Variants in SYS1 observed in about 807,000 individuals in gnomAD.
SYS1 encodes SYS1 golgi trafficking protein.
Under a neutral mutation model 17.8 loss-of-function variants are expected in SYS1, and 8 were observed. That is an observed-to-expected ratio of 0.45 (90% CI 0.26 to 0.81). The LOEUF (loss-of-function observed/expected upper bound fraction) is 0.81, where lower values mean the gene tolerates loss of function less well. Ranked by LOEUF, SYS1 falls within the 40% of genes least tolerant of loss-of-function variation. The pLI is 0.16. For synonymous variants in SYS1, 95 were observed against 90.9 expected (o/e 1.05, Z -0.26); for missense variants, 161 against 203.9 (o/e 0.79, Z 1.28).
exon 4 of SYS1, chr20:45,374,390 GCCT>G (rs1988657795): frequency 1.6e-6 from 1 of 624,802 alleles, no homozygotes; most frequent in Non-Finnish European, 2.8e-6. Context: ...TCCGACCTCA[GCCT>G]CCTGAGTAGC....
In SYS1 at chr20:45,368,967, C is replaced by T. The variant is rs1358429294; in HGVS notation, c.*1852C>T. 1.2e-6 allele frequency: 1 copy of T among 824,946 alleles called. No individual in the cohort carries two copies. Among genetic ancestry groups the T allele is most frequent in the East Asian group, 1.2e-4 (1 of 8,168 alleles). The allele number at this position is 824,946 out of a possible 1,614,324, so 51.1% of individuals were successfully genotyped here. The stretch of plus-strand genomic sequence containing the variant: ...TCTTCTGTGATGACAAATCTCTGTC[C>T]CCTGAGTGTTAATTTGATTTTTAGA... On this transcript the variant is annotated 3_prime_UTR_variant, in exon 4 of 4. Coordinates refer to ENST00000243918, the MANE Select transcript of SYS1 (RefSeq NM_033542.4).
At chr20:45,372,798 G>A (rs1485973424), downstream of SYS1, 1 of 152,214 alleles carries the variant, frequency 6.6e-6, no homozygotes, top group Non-Finnish European at 1.5e-5. Context: ...CAGGAGCTCG[G>A]GAGCACGCAG....
At chr20:45,375,339 C>T in exon 4 of SYS1, 2 of 1,614,166 alleles carry the variant, frequency 1.2e-6, no homozygotes, top group South Asian at 1.1e-5. Flanking sequence ...GAACCTCAGG[C>T]TCTATATGCT....
chr20:45,376,686 CCAAT>C (rs1263657100), exon 4 of SYS1: 2 of 151,296 alleles, frequency 1.3e-5, no homozygotes, highest in Non-Finnish European at 2.9e-5. Context: ...TTAGCAGGCA[CCAAT>C]CAATGTTAGC....
chr20:45,373,606 C>T (rs971244606), downstream of SYS1: 2 of 416,646 alleles, frequency 4.8e-6, no homozygotes, highest in African/African-American at 3.9e-5. Flanking sequence ...CTCCGCGCCG[C>T]GGTTTCCTCT....
upstream of SYS1, chr20:45,363,011 T>C: frequency 1.5e-5 from 11 of 729,058 alleles, no homozygotes; most frequent in Non-Finnish European, 1.7e-5. Flanking sequence ...CTCTCTTCCG[T>C]TTGCCTTCAC....
exon 4 of SYS1, chr20:45,375,356 T>C (rs1988697162): frequency 5.0e-6 from 8 of 1,614,168 alleles, no homozygotes; most frequent in Non-Finnish European, 6.8e-6. Context: ...TGCTTTTCTT[T>C]CCGTGGCATT....
chr20:45,363,619 C>T lies in SYS1; in HGVS notation c.88C>T (p.Leu30=), dbSNP rs762834553. 6.3e-7 allele frequency: 1 copy of T among 1,591,366 alleles called. No individual in the cohort carries two copies. Among genetic ancestry groups the T allele is most frequent in the Non-Finnish European group, 8.5e-7 (1 of 1,170,174 alleles). ...VLMQTVYYGS[L]GLWLALVDGL... ...CATGCAGACCGTGTATTACGGCTCGCTGGGCCTGTGGCTGGCGCTGGTGGA... is the reference window on the plus strand; with the variant it reads ...CATGCAGACCGTGTATTACGGCTCGTTGGGCCTGTGGCTGGCGCTGGTGGA... The change falls in exon 2 of 4, where the codon CTG becomes TTG. Residue 30 remains leucine, a synonymous_variant. Coordinates refer to ENST00000243918, the MANE Select transcript of SYS1 (RefSeq NM_033542.4).
upstream of SYS1, among the ~76,000 whole-genome samples, chr20:45,362,734 C>G (rs1017718163): frequency 6.6e-6 from 1 of 152,206 alleles, no homozygotes; most frequent in Non-Finnish European, 1.5e-5. Flanking sequence ...CTTTCCTTCT[C>G]TGGCCCTTAG....
At chr20:45,375,115 G>A (rs1988685278) in exon 4 of SYS1, 4 of 1,614,134 alleles carry the variant, frequency 2.5e-6, no homozygotes, top group Non-Finnish European at 3.4e-6. Context: ...CCAACGCAGG[G>A]TGGAGGATCT....
chr20:45,367,892 C>T lies in SYS1; in HGVS notation c.*777C>T, dbSNP rs910653405. 2.0e-6 allele frequency: 2 copies of T among 985,632 alleles called. No homozygotes were observed. Among genetic ancestry groups the T allele is most frequent in the Non-Finnish European group, 2.4e-6 (2 of 829,958 alleles). The allele number at this position is 985,632 out of a possible 1,614,324, so 61.1% of individuals were successfully genotyped here. On this transcript the variant is annotated 3_prime_UTR_variant, in exon 4 of 4. Coordinates refer to ENST00000243918, the MANE Select transcript of SYS1 (RefSeq NM_033542.4). ...TCTAGGAATGACCAGGCACCCAGCT[C>T]CCACTGGACTCCAATTTTTTTTCCT...
rs1219931758 is a variant in SYS1 at position 45,368,292 on chromosome 20, C to T, written c.*1177C>T. ...GAACTCTTACATCCTGTCTCCTTCA[C>T]TTGCAGCGTCCCCTGCTATGCCTCA... On this transcript the variant is annotated 3_prime_UTR_variant, in exon 4 of 4. Coordinates refer to ENST00000243918, the MANE Select transcript of SYS1 (RefSeq NM_033542.4). 3.0e-6 allele frequency: 3 copies of T among 985,300 alleles called. No individual in the cohort carries two copies. The highest frequency in any genetic ancestry group is 6.2e-5 in the Admixed American group (1 of 16,254). The allele number at this position is 985,300 out of a possible 1,614,324, so 61.0% of individuals were successfully genotyped here.
At chr20:45,372,136 A>C (rs1988573619), downstream of SYS1, among the ~76,000 whole-genome samples, 1 of 152,198 alleles carries the variant, frequency 6.6e-6, no homozygotes, top group African/African-American at 2.4e-5. Flanking sequence ...TTAAACAAAG[A>C]GAGGGTGGTA....
intron 2 of SYS1, among the ~76,000 whole-genome samples, chr20:45,364,713 C>T (rs1030198216): frequency 6.6e-6 from 1 of 151,920 alleles, no homozygotes; most frequent in Non-Finnish European, 1.5e-5. Context: ...CCTCGTGATC[C>T]GCCTGCCTCG....
In SYS1 at chr20:45,367,874, A is replaced by G; in HGVS notation, c.*759A>G. On this transcript the variant is annotated 3_prime_UTR_variant, in exon 4 of 4. Transcript: ENST00000243918. Reference sequence around the variant, plus strand: ...TAAAGACACTGCCTGTCTTCTAGGAATGACCAGGCACCCAGCTCCCACTGG... The same window carrying G: ...TAAAGACACTGCCTGTCTTCTAGGAGTGACCAGGCACCCAGCTCCCACTGG... The G allele has an allele frequency of 1.0e-6, 1 of 985,838 alleles. No homozygotes were observed. The allele number at this position is 985,838 out of a possible 1,614,324, so 61.1% of individuals were successfully genotyped here.
chr20:45,366,382 C>T (rs531182570), intron 3 of SYS1, among the ~76,000 whole-genome samples: 1 of 152,278 alleles, frequency 6.6e-6, no homozygotes, highest in African/African-American at 2.4e-5. Context: ...CTGACTTTGA[C>T]CTAAATTTGT....
chr20:45,371,665 G>A (rs149557048), downstream of SYS1, among the ~76,000 whole-genome samples: 91 of 152,280 alleles, frequency 6.0e-4, no homozygotes, highest in Non-Finnish European at 9.7e-4. Flanking sequence ...ATTGTGAGAC[G>A]GACAGTCTTA....
intron 2 of SYS1, 139 bp downstream of exon 2, chr20:45,363,832 C>G (rs1412612182): frequency 1.1e-6 from 1 of 901,092 alleles, no homozygotes; most frequent in Non-Finnish European, 1.6e-6. Flanking sequence ...CTTTCTGAGC[C>G]TCAGCTGCCT....
rs996727814 is a variant in SYS1 at position 45,368,090 on chromosome 20, G to C, written c.*975G>C. ...AGGGGCTTGCAGCTATCCTTCCTGT[G>C]TATACAAATACAGTATTTTCCATGG... On this transcript the variant is annotated 3_prime_UTR_variant, in exon 4 of 4. Transcript: ENST00000243918. 7 of 985,332 alleles carry C rather than the reference G, an allele frequency of 7.1e-6. No homozygotes were observed. The highest frequency in any genetic ancestry group is 8.4e-6 in the Non-Finnish European group (7 of 829,964). 61.0% of individuals were successfully genotyped at this position (985,332 alleles called of 1,614,324 possible).
Sources: allele counts gnomAD v4.1 joint callset (sites outside exome capture counted in the v4.1 genomes callset), GRCh38; gene constraint gnomAD v4.1.1; transcripts MANE v1.5; gene names NCBI Gene and HGNC (gene_info 2026-07-23, HGNC 2026-07-21).